Variants in DEPDC5 observed in about 807,000 individuals in gnomAD.
The protein encoded by DEPDC5 is DEP domain containing 5, GATOR1 subcomplex subunit, also known as GATOR1 complex protein DEPDC5.
DEPDC5 carries 73 observed loss-of-function variants against 217.3 expected under a neutral mutation model. The observed-to-expected ratio is 0.34, with a 90% CI of 0.28 to 0.41. The LOEUF is 0.41. Among genes scored for constraint, DEPDC5 ranks in the 10% least tolerant of loss-of-function variants. DEPDC5 has a pLI of 1.00. For synonymous variants in DEPDC5, 733 were observed against 756.7 expected (o/e 0.97, Z 0.51); for missense variants, 1,675 against 2,070.1 (o/e 0.81, Z 3.70).
chr22:31,847,958 G>A (rs2091836595), intron 31 of DEPDC5, among the ~76,000 whole-genome samples: 1 of 152,238 alleles, frequency 6.6e-6, no homozygotes, highest in South Asian at 2.1e-4. Context: ...TATGGGCATT[G>A]AGTAAATACA....
intron 24 of DEPDC5, among the ~76,000 whole-genome samples, chr22:31,826,299 A>T (rs1371428418): frequency 6.6e-6 from 1 of 152,064 alleles, no homozygotes; most frequent in East Asian, 1.9e-4. Flanking sequence ...GAGCCACCAC[A>T]CCTGGCTGGA....
chr22:31,787,625 C>T lies in DEPDC5; in HGVS notation c.624+2750C>T, dbSNP rs538157875. 2.0e-5 allele frequency among the ~76,000 whole-genome samples: 3 copies of T among 151,980 alleles called. No individual in the cohort carries two copies. The East Asian group carries it at 5.8e-4, about 29-fold the overall frequency. The stretch of plus-strand genomic sequence containing the variant: ...AGTTCGAGTAACCCAGACAACAAAA[C>T]GAGACCCTGTCTCTACAAAAATAAA... On this transcript the variant is annotated intron_variant, in intron 10 of 42. Coordinates refer to ENST00000651528, the MANE Select transcript of DEPDC5 (RefSeq NM_001242896.3).
intron 34 of DEPDC5, 71 bp downstream of exon 34, chr22:31,870,815 C>T (rs945846768): frequency 4.2e-6 from 6 of 1,419,742 alleles, no homozygotes; most frequent in Admixed American, 2.8e-5. Flanking sequence ...GCTGCAGAGG[C>T]TGAAGTCCAA....
At chr22:31,810,706 G>C in intron 20 of DEPDC5, 65 bp downstream of exon 20, 2 of 1,600,930 alleles carry the variant, frequency 1.2e-6, no homozygotes, top group Non-Finnish European at 1.7e-6. Context: ...AAGTTCAGTA[G>C]TGACCTCTAA....
At chr22:31,856,811 A>G (rs2092322293) in intron 31 of DEPDC5, among the ~76,000 whole-genome samples, 1 of 152,084 alleles carries the variant, frequency 6.6e-6, no homozygotes, top group Non-Finnish European at 1.5e-5. Flanking sequence ...GTTTTGTCGC[A>G]CAGGCTGGAG....
In DEPDC5 at chr22:31,853,493, A is replaced by G. The variant is rs903444921; in HGVS notation, c.3156-3952A>G. On this transcript the variant is annotated intron_variant, in intron 31 of 42. Coordinates refer to ENST00000651528, the MANE Select transcript of DEPDC5 (RefSeq NM_001242896.3). The stretch of plus-strand genomic sequence containing the variant: ...AACATTTGCTTGCACAGAATTTTTT[A>G]TTTATGTGTTTTTCTTTTTCTTTCA... 7 of 152,162 alleles carry G rather than the reference A, an allele frequency of 4.6e-5. No homozygotes were observed. The South Asian group carries it at 1.0e-3, about 22-fold the overall frequency. The allele number at this position is 152,162 out of a possible 1,614,324, so 9.4% of individuals were successfully genotyped here. A position where few individuals can be genotyped will look rare whatever the true frequency, so the allele number is the denominator to read the frequency against.
chr22:31,836,898 T>G, intron 25 of DEPDC5, 74 bp from the exon 26 acceptor site: 1 of 1,286,956 alleles, frequency 7.8e-7, no homozygotes. Context: ...TCCCTCCCCT[T>G]CCCTCCCCTG....
intron 7 of DEPDC5, among the ~76,000 whole-genome samples, chr22:31,771,943 T>A (rs2083405038): frequency 6.6e-6 from 1 of 151,978 alleles, no homozygotes; most frequent in Admixed American, 6.6e-5. Context: ...GTGGCGCTTG[T>A]AGTCCCAGTT....
At chr22:31,785,571 A>C (rs1264424744) in intron 10 of DEPDC5, among the ~76,000 whole-genome samples, 1 of 147,508 alleles carries the variant, frequency 6.8e-6, no homozygotes, top group Non-Finnish European at 1.5e-5. Flanking sequence ...TGCAGTTCCT[A>C]TCAAAATACC....
chr22:31,870,529 T>G lies in DEPDC5; in HGVS notation c.3331-61T>G. 2.1e-6 allele frequency: 3 copies of G among 1,444,708 alleles called. 1 individual carries two copies. Among genetic ancestry groups the G allele is most frequent in the South Asian group, 3.1e-5 (2 of 64,736 alleles). The allele number at this position is 1,444,708 out of a possible 1,614,324, so 89.5% of individuals were successfully genotyped here. A position where few individuals can be genotyped will look rare whatever the true frequency, so the allele number is the denominator to read the frequency against. On this transcript the variant is annotated intron_variant, in intron 33 of 42. Transcript: ENST00000651528. ...GAGTGAATAAGCCAGTACAGCTTAT[T>G]TACTGTGTTTTCCTGTCAGTTATTT...
rs370906184 is a variant in DEPDC5 at position 31,845,189 on chromosome 22, G to A, written c.2973G>A (p.Glu991=). ...QLLDGFVRFV[E]GLNRIRRRHR... Reference sequence around the variant, plus strand: ...TGGATGGTTTTGTCCGCTTTGTGGAGGGCTTGAATCGCATTCGCAGGCGGC... The same window carrying A: ...TGGATGGTTTTGTCCGCTTTGTGGAAGGCTTGAATCGCATTCGCAGGCGGC... Residue 991 remains glutamate (E), a synonymous_variant, in exon 30 of 43, where the codon GAG becomes GAA. Transcript: ENST00000651528. 1.4e-4 allele frequency: 219 copies of A among 1,614,082 alleles called. No homozygotes were observed. The highest frequency in any genetic ancestry group is 1.8e-4 in the Non-Finnish European group (214 of 1,180,040).
At chr22:31,769,732 G>A (rs2083164690) in intron 7 of DEPDC5, 1 of 151,952 alleles carries the variant, frequency 6.6e-6, no homozygotes, top group South Asian at 2.1e-4. Context: ...ACCAGCCTGG[G>A]CAACATAGTG....
chr22:31,790,666 C>A (rs1397952104), intron 10 of DEPDC5, among the ~76,000 whole-genome samples: 1 of 152,104 alleles, frequency 6.6e-6, no homozygotes, highest in East Asian at 1.9e-4. Flanking sequence ...CGCCTGTAAT[C>A]CCAGCACTTT....
intron 8 of DEPDC5, among the ~76,000 whole-genome samples, chr22:31,783,532 A>T (rs141004592): frequency 2.2e-4 from 33 of 151,986 alleles, no homozygotes; most frequent in African/African-American, 8.0e-4. Context: ...CTGGTGGTGC[A>T]CTCCCATAGT....
chr22:31,783,633 A>C (rs962728431), intron 8 of DEPDC5, among the ~76,000 whole-genome samples: 1 of 152,070 alleles, frequency 6.6e-6, no homozygotes, highest in Non-Finnish European at 1.5e-5. Flanking sequence ...GTGTCACTGC[A>C]CTCCAGCCTT....
At chr22:31,856,726 A>G (rs541966761) in intron 31 of DEPDC5, among the ~76,000 whole-genome samples, 1 of 152,340 alleles carries the variant, frequency 6.6e-6, no homozygotes, top group African/African-American at 2.4e-5. Flanking sequence ...AAATGTATAG[A>G]GAATTAACAC....
intron 39 of DEPDC5, among the ~76,000 whole-genome samples, chr22:31,896,457 C>T (rs2093554439): frequency 6.6e-6 from 1 of 151,816 alleles, no homozygotes; most frequent in Non-Finnish European, 1.5e-5. Context: ...TGTGTCCCAA[C>T]TCTATTTTTT....
At chr22:31,777,222 C>T (rs1023806127) in intron 7 of DEPDC5, among the ~76,000 whole-genome samples, 4 of 148,038 alleles carry the variant, frequency 2.7e-5, no homozygotes, top group African/African-American at 1.0e-4. Context: ...AGCCTCTCAA[C>T]GTGTTGGGAT....
chr22:31,802,619 C>T lies in DEPDC5; in HGVS notation c.947-85C>T, dbSNP rs1390411487. ...CTATAATAAAAATATGGGCAGAATG[C>T]TCTGAGAGTGTAGAGATGCTTGTCT... On this transcript the variant is annotated intron_variant, in intron 14 of 42. Coordinates refer to ENST00000651528, the MANE Select transcript of DEPDC5 (RefSeq NM_001242896.3). 5.0e-6 allele frequency: 7 copies of T among 1,389,932 alleles called. No homozygotes were observed. In the African/African-American group the frequency reaches 7.4e-5, roughly 15 times the overall value. The allele number at this position is 1,389,932 out of a possible 1,614,324, so 86.1% of individuals were successfully genotyped here.
Sources: allele counts gnomAD v4.1 joint callset (sites outside exome capture counted in the v4.1 genomes callset), GRCh38; gene constraint gnomAD v4.1.1; transcripts MANE v1.5; gene names NCBI Gene and HGNC (gene_info 2026-07-23, HGNC 2026-07-21).